BOD1L1: variants seen among roughly 807,000 people sequenced by gnomAD.
BOD1L1 encodes biorientation of chromosomes in cell division 1 like 1, also known as biorientation of chromosomes in cell division protein 1-like 1.
BOD1L1 carries 86 observed loss-of-function variants against 240.7 expected under a neutral mutation model. The observed-to-expected ratio is 0.36, with a 90% confidence interval of 0.30 to 0.43. The LOEUF (loss-of-function observed/expected upper bound fraction) is 0.43, where lower values mean the gene tolerates loss of function less well. BOD1L1 is among the 20% of genes least tolerant of loss of function. BOD1L1 has a pLI of 1.00. For missense variants in BOD1L1, 3,554 were observed against 3,643.5 expected, an observed-to-expected ratio of 0.98 and a Z score of 0.63; for synonymous variants, 1,268 against 1,272.3, an observed-to-expected ratio of 1.00 and a Z score of 0.07.
At chr4:13,578,780 C>A (rs1055428093) in intron 22 of BOD1L1, among the ~76,000 whole-genome samples, 3 of 152,132 alleles carry the variant, frequency 2.0e-5, no homozygotes, top group Admixed American at 2.0e-4. Context: ...TCTGAACAAA[C>A]CAGGCTTGAG....
In BOD1L1 at chr4:13,620,122, C is replaced by T. The variant is rs529301525; in HGVS notation, c.244-55G>A. 4.0e-6 allele frequency: 6 copies of T among 1,487,850 alleles called. No individual in the cohort carries two copies. The African/African-American group carries it at 5.6e-5, about 14-fold the overall frequency. 92.2% of individuals were successfully genotyped at this position (1,487,850 alleles called of 1,614,324 possible). On this transcript the variant is annotated intron_variant, in intron 1 of 25. Transcript: ENST00000040738. ...CAAGGTTATACAGTATCAATATTCA[C>T]CTCTCAGAAAAGTATTTTTACCATG...
chr4:13,577,943 A>T, intron 22 of BOD1L1: 2 of 235,620 alleles, frequency 8.5e-6, no homozygotes. Flanking sequence ...TCACTCAGTC[A>T]TTCAGGCTGG....
rs964195401 is a variant in BOD1L1 at position 13,569,853 on chromosome 4, T to C, written c.*158A>G. On this transcript the variant is annotated 3_prime_UTR_variant, in exon 26 of 26. Coordinates refer to ENST00000040738, the MANE Select transcript of BOD1L1 (RefSeq NM_148894.3). The stretch of plus-strand genomic sequence containing the variant: ...AATATCTTCTATGAACAATAGTTTA[T>C]AAAGCTGTTTAAAACATAACAAGAA... 1.4e-5 allele frequency: 6 copies of C among 430,000 alleles called. No individual in the cohort carries two copies. Among genetic ancestry groups the C allele is most frequent in the South Asian group, 1.4e-4 (2 of 14,050 alleles). The allele number at this position is 430,000 out of a possible 1,614,324, so 26.6% of individuals were successfully genotyped here. A position where few individuals can be genotyped will look rare whatever the true frequency, so the allele number is the denominator to read the frequency against.
intron 9 of BOD1L1, among the ~76,000 whole-genome samples, chr4:13,606,192 T>G (rs1310064950): frequency 1.3e-5 from 2 of 152,026 alleles, no homozygotes; most frequent in East Asian, 3.8e-4. Flanking sequence ...CTAACAGGAG[T>G]TTGCATCAAC....
At chr4:13,571,960 T>C (rs1712238699) in intron 25 of BOD1L1, among the ~76,000 whole-genome samples, 1 of 152,198 alleles carries the variant, frequency 6.6e-6, no homozygotes, top group Non-Finnish European at 1.5e-5. Context: ...GCTGTGAAGA[T>C]GAAAATGTGG....
At chr4:13,588,830 A>G (rs1219477437) in intron 14 of BOD1L1, 38 bp from the exon 15 acceptor site, 4 of 1,401,674 alleles carry the variant, frequency 2.9e-6, no homozygotes, top group African/African-American at 1.5e-5. Flanking sequence ...AAAATCTTAA[A>G]TATTTTTATA....
At chr4:13,598,829 A>G (rs1714826328) in intron 10 of BOD1L1, 117 bp downstream of exon 10, 9 of 1,097,384 alleles carry the variant, frequency 8.2e-6, no homozygotes, top group Non-Finnish European at 1.1e-5. Flanking sequence ...AAAAAAATTT[A>G]TAGATATTTT....
intron 19 of BOD1L1, among the ~76,000 whole-genome samples, chr4:13,581,532 T>A (rs1713230111): frequency 6.6e-6 from 1 of 152,204 alleles, no homozygotes; most frequent in African/African-American, 2.4e-5. Flanking sequence ...CCAAGTTAGT[T>A]GTGACCAAAT....
intron 22 of BOD1L1, among the ~76,000 whole-genome samples, 162 bp downstream of exon 22, chr4:13,579,766 G>A (rs1713072780): frequency 6.6e-6 from 1 of 152,130 alleles, no homozygotes; most frequent in Non-Finnish European, 1.5e-5. Flanking sequence ...GGCTCTGTAA[G>A]CCAATAGATA....
chr4:13,585,929 T>C (rs893755063), intron 17 of BOD1L1, among the ~76,000 whole-genome samples: 7 of 152,146 alleles, frequency 4.6e-5, no homozygotes, highest in African/African-American at 1.7e-4. Flanking sequence ...GAACCGTGAG[T>C]CAATTAAACC....
chr4:13,602,847 T>A lies in BOD1L1; in HGVS notation c.4053A>T (p.Thr1351=), dbSNP rs1715323148. 6.2e-7 allele frequency: 1 copy of A among 1,613,944 alleles called. No individual in the cohort carries two copies. The highest frequency in any genetic ancestry group is 1.3e-5 in the African/African-American group (1 of 74,954). Reference sequence around the variant, plus strand: ...TGCTTGCTTTTGCTGGTGTATCTACTGTGAAACCTTCACCACCTTCTTTGC... The same window carrying A: ...TGCTTGCTTTTGCTGGTGTATCTACAGTGAAACCTTCACCACCTTCTTTGC... ...SDSKEGGEGF[T]VDTPAKASIT... The change falls in exon 10 of 26, where the codon ACA becomes ACT. Residue 1351 remains threonine, a synonymous_variant. Coordinates refer to ENST00000040738, the MANE Select transcript of BOD1L1 (RefSeq NM_148894.3).
intron 1 of BOD1L1, among the ~76,000 whole-genome samples, chr4:13,621,899 C>T (rs1019268039): frequency 1.1e-4 from 15 of 139,892 alleles, no homozygotes; most frequent in South Asian, 2.2e-4. Context: ...GAGTCTTGCT[C>T]GATTGCCCAT....
In BOD1L1 at chr4:13,580,043, T is replaced by A. The variant is rs544988368; in HGVS notation, c.8704-70A>T. 23 of 1,119,208 alleles carry A rather than the reference T, an allele frequency of 2.1e-5. 1 individual carries two copies. In the East Asian group the frequency reaches 5.4e-4, roughly 26 times the overall value. The allele number at this position is 1,119,208 out of a possible 1,614,324, so 69.3% of individuals were successfully genotyped here. ...TTATAATCATCACATAGAAATGCAA[T>A]CAATGATGTAAAGGTGGTATAGGAT... On this transcript the variant is annotated intron_variant, in intron 21 of 25. Coordinates refer to ENST00000040738, the MANE Select transcript of BOD1L1 (RefSeq NM_148894.3).
rs140731239 is a variant in BOD1L1 at position 13,614,832 on chromosome 4, T to C, written c.560-22A>G. On this transcript the variant is annotated intron_variant, in intron 3 of 25. Coordinates refer to ENST00000040738, the MANE Select transcript of BOD1L1 (RefSeq NM_148894.3). ...ACACCTTAAAGAAAAACAGAAGTTT[T>C]AGAATACATTTAATCAGAAGGAAAA... 23 of 1,571,416 alleles carry C rather than the reference T, an allele frequency of 1.5e-5. No individual in the cohort carries two copies. The East Asian group carries it at 5.0e-4, about 34-fold the overall frequency.
intron 23 of BOD1L1, 45 bp downstream of exon 23, chr4:13,577,537 G>A (rs555877512): frequency 1.3e-6 from 2 of 1,598,204 alleles, no homozygotes; most frequent in South Asian, 2.2e-5. Context: ...GAGCATTTAA[G>A]TTGATTTCTA....
chr4:13,622,481 C>G (rs1040814738), intron 1 of BOD1L1, among the ~76,000 whole-genome samples: 2 of 152,166 alleles, frequency 1.3e-5, no homozygotes, highest in Non-Finnish European at 2.9e-5. Context: ...ATACTTCCAC[C>G]CTTTCTTCCT....
At chr4:13,626,123 C>T (rs1717368668) in intron 1 of BOD1L1, 1 of 152,236 alleles carries the variant, frequency 6.6e-6, no homozygotes, top group Admixed American at 6.5e-5. Context: ...GAGATCGAGA[C>T]CATCCTGGCC....
rs763678498 is a variant in BOD1L1 at position 13,601,300 on chromosome 4, CCTTCCTCGT to C, written c.5591_5599del (p.Asp1864_Glu1866del). On this transcript the variant is annotated inframe_deletion, in exon 10 of 26. Transcript: ENST00000040738. ...TCCAGTACTAGTCACAACATCCTCC[CCTTCCTCGT>C]CTTCCTCTTTTGCGCCTGTGCTAGT... is the stretch of plus-strand genomic sequence containing the variant. 4 of 1,614,026 alleles carry C rather than the reference CCTTCCTCGT, an allele frequency of 2.5e-6. No homozygotes were observed. Among genetic ancestry groups the C allele is most frequent in the Non-Finnish European group, 2.5e-6 (3 of 1,179,904 alleles).
At chr4:13,606,239 CTATTT>C (rs1023085534) in intron 9 of BOD1L1, among the ~76,000 whole-genome samples, 1 of 152,088 alleles carries the variant, frequency 6.6e-6, no homozygotes, top group Non-Finnish European at 1.5e-5. Flanking sequence ...AATGTGAATA[CTATTT>C]TATGAGATAA....
Sources: gnomAD v4.1 joint callset for allele counts (sites outside exome capture counted in the v4.1 genomes callset) on GRCh38, gnomAD v4.1.1 for gene constraint, MANE v1.5 for transcripts, NCBI Gene and HGNC (gene_info 2026-07-23, HGNC 2026-07-21) for gene names.